The following LRP1B variants were observed in gnomAD, a reference collection of about 807,000 sequenced individuals.
The protein encoded by LRP1B is low-density lipoprotein receptor-related protein 1B.
In LRP1B, 217 loss-of-function variants were observed where a neutral mutation model predicts 556.6. That is an observed-to-expected ratio of 0.39 (90% CI 0.35 to 0.44). LRP1B has a LOEUF of 0.44. LRP1B is among the 20% of genes least tolerant of loss of function. LRP1B has a pLI of 1.00. For missense variants in LRP1B, 5,053 were observed against 5,620.8 expected, an observed-to-expected ratio of 0.90 and a Z score of 3.23; for synonymous variants, 2,047 against 1,865.8, an observed-to-expected ratio of 1.10 and a Z score of -2.50.
At chr2:141,274,670 T>A (rs1484073957) in intron 3 of LRP1B, among the ~76,000 whole-genome samples, 1 of 152,168 alleles carries the variant, frequency 6.6e-6, no homozygotes, top group Admixed American at 6.5e-5. Flanking sequence ...AATCTTTAGA[T>A]TTTCATACTT....
Position 140,475,303 on chromosome 2 carries a change from G to C in LRP1B, c.9460C>G (p.His3154Asp), listed in dbSNP as rs752692669. The C allele has an allele frequency of 6.2e-7, 1 of 1,608,148 alleles. No homozygotes were observed. Among genetic ancestry groups the C allele is most frequent in the Non-Finnish European group, 8.5e-7 (1 of 1,176,494 alleles). ...CCATCCATTCCAACACGGCCAATAT[G>C]AGGATACTCGCAGCAGTCAATCCAA... ...LYWIDCCEYPHIGRVGMDGTN... is the reference protein window; with the variant it reads ...LYWIDCCEYPDIGRVGMDGTN... The change falls in exon 60 of 91, where the codon CAT (histidine) becomes GAT (aspartate). Residue 3154 changes from histidine to aspartate, a missense_variant. Coordinates refer to ENST00000389484, the MANE Select transcript of LRP1B (RefSeq NM_018557.3).
At chr2:140,257,361 G>T (rs1484537354) in intron 86 of LRP1B, among the ~76,000 whole-genome samples, 1 of 152,076 alleles carries the variant, frequency 6.6e-6, no homozygotes, top group Non-Finnish European at 1.5e-5. Flanking sequence ...ATTGGGTTTG[G>T]TTTATTTGGT....
At chr2:141,424,051 C>T (rs1680256150) in intron 3 of LRP1B, among the ~76,000 whole-genome samples, 1 of 150,972 alleles carries the variant, frequency 6.6e-6, no homozygotes, top group Non-Finnish European at 1.5e-5. Context: ...AATTTCTGTC[C>T]AATGGATTGA....
At chr2:142,127,224 ACTTTC>A (rs1707687966) in intron 1 of LRP1B, among the ~76,000 whole-genome samples, 1 of 151,952 alleles carries the variant, frequency 6.6e-6, no homozygotes, top group South Asian at 2.1e-4. Context: ...CACTGGTGGC[ACTTTC>A]CTTAAATTAT....
At chr2:140,898,326 C>T (rs1006525028) in intron 23 of LRP1B, 2 of 153,916 alleles carry the variant, frequency 1.3e-5, no homozygotes, top group East Asian at 3.9e-4. Context: ...AGGACTAAGT[C>T]TGGGGAACAC....
intron 86 of LRP1B, among the ~76,000 whole-genome samples, chr2:140,264,471 C>A (rs1334828700): frequency 6.6e-6 from 1 of 152,092 alleles, no homozygotes; most frequent in Non-Finnish European, 1.5e-5. Context: ...CCAGGCTAAT[C>A]TTCAACTACT....
intron 9 of LRP1B, among the ~76,000 whole-genome samples, chr2:141,057,511 G>C (rs1303291080): frequency 2.6e-5 from 4 of 151,730 alleles, no homozygotes; most frequent in Non-Finnish European, 4.4e-5. Flanking sequence ...CGTGTTGTTG[G>C]GGGGGACCCA....
chr2:140,989,438 T>C, intron 17 of LRP1B, 94 bp downstream of exon 17: 2 of 1,365,296 alleles, frequency 1.5e-6, no homozygotes, highest in Admixed American at 1.7e-5. Flanking sequence ...TCATCAGCAC[T>C]AGGAAAGTTC....
intron 3 of LRP1B, among the ~76,000 whole-genome samples, chr2:141,329,148 G>A (rs1687537737): frequency 6.6e-6 from 1 of 152,130 alleles, no homozygotes; most frequent in African/African-American, 2.4e-5. Context: ...AACACTTTGG[G>A]AGGCCGAGGT....
chr2:141,477,166 AAC>A (rs869080222), intron 3 of LRP1B, among the ~76,000 whole-genome samples: 8 of 111,598 alleles, frequency 7.2e-5, no homozygotes, highest in Non-Finnish European at 1.5e-4. Flanking sequence ...AAAACAAACA[AAC>A]AAAAAAACCA....
Position 140,238,316 on chromosome 2 carries a change from A to G in LRP1B, c.13416-20T>C, listed in dbSNP as rs754410321. 9 of 1,341,674 alleles carry G rather than the reference A, an allele frequency of 6.7e-6. No individual in the cohort carries two copies. The highest frequency in any genetic ancestry group is 9.5e-6 in the Non-Finnish European group (9 of 950,368). The allele number at this position is 1,341,674 out of a possible 1,614,324, so 83.1% of individuals were successfully genotyped here. On this transcript the variant is annotated intron_variant, in intron 88 of 90. Transcript: ENST00000389484. ...TTTGTCCTAGAATATATAAACATTA[A>G]TATGTGTGAGTTTTGTATAAATATC... is the stretch of plus-strand genomic sequence containing the variant.
intron 21 of LRP1B, among the ~76,000 whole-genome samples, chr2:140,908,994 T>C (rs965013752): frequency 6.6e-6 from 1 of 152,152 alleles, no homozygotes; most frequent in African/African-American, 2.4e-5. Context: ...AGATGGGGTT[T>C]CACCATGTTG....
chr2:141,160,168 A>G (rs1679944718), intron 7 of LRP1B, among the ~76,000 whole-genome samples: 1 of 152,148 alleles, frequency 6.6e-6, no homozygotes, highest in South Asian at 2.1e-4. Flanking sequence ...CATGAGGTTT[A>G]ACATTGTTAG....
At chr2:141,834,187 G>T in intron 1 of LRP1B, among the ~76,000 whole-genome samples, 1 of 151,802 alleles carries the variant, frequency 6.6e-6, no homozygotes, top group East Asian at 1.9e-4. Context: ...ACCAGTTGAA[G>T]GAAGACACTG....
intron 1 of LRP1B, among the ~76,000 whole-genome samples, chr2:142,064,521 G>A (rs1437486878): frequency 2.0e-5 from 3 of 151,520 alleles, no homozygotes; most frequent in Non-Finnish European, 3.0e-5. Context: ...ATCCAGCACT[G>A]CCAGGAAAAG....
At chr2:140,834,798 A>C (rs1691843736) in intron 31 of LRP1B, among the ~76,000 whole-genome samples, 1 of 152,190 alleles carries the variant, frequency 6.6e-6, no homozygotes, top group African/African-American at 2.4e-5. Flanking sequence ...TATAAACTAA[A>C]TTTAACTCAT....
At chr2:141,089,205 G>A (rs570418348) in intron 7 of LRP1B, among the ~76,000 whole-genome samples, 4 of 152,232 alleles carry the variant, frequency 2.6e-5, no homozygotes, top group Admixed American at 6.5e-5. Context: ...CAGGCACAGC[G>A]GGCTCTTATT....
At chr2:140,927,496 G>T (rs1165092145) in intron 20 of LRP1B, among the ~76,000 whole-genome samples, 2 of 151,920 alleles carry the variant, frequency 1.3e-5, no homozygotes, top group Non-Finnish European at 2.9e-5. Context: ...AAAAACTCAA[G>T]AAGAAAAATA....
intron 84 of LRP1B, among the ~76,000 whole-genome samples, chr2:140,278,481 C>T (rs1682780237): frequency 1.3e-5 from 2 of 151,946 alleles, no homozygotes; most frequent in Non-Finnish European, 1.5e-5. Context: ...GTAGGGACAA[C>T]TTTTAAAAGG....
Sources: gnomAD v4.1 joint callset for allele counts (sites outside exome capture counted in the v4.1 genomes callset) on GRCh38, gnomAD v4.1.1 for gene constraint, MANE v1.5 for transcripts, NCBI Gene and HGNC (gene_info 2026-07-23, HGNC 2026-07-21) for gene names.